TNIP1: variants seen among roughly 807,000 people sequenced by gnomAD.
The protein encoded by TNIP1 is TNFAIP3-interacting protein 1.
A neutral mutation model predicts 86.6 loss-of-function variants in TNIP1; 22 were observed. That is an observed-to-expected ratio of 0.25 (90% CI 0.18 to 0.36). The LOEUF (loss-of-function observed/expected upper bound fraction) is 0.36, where lower values mean the gene tolerates loss of function less well. TNIP1 is among the 10% of genes least tolerant of loss of function. The probability of loss-of-function intolerance (pLI) is 1.00; values close to 1 mark genes in which losing one functional copy is unlikely to be tolerated. For missense variants in TNIP1, 709 were observed against 820.6 expected (o/e 0.86, Z 1.66); for synonymous variants, 294 against 313.0 (o/e 0.94, Z 0.64).
intron 1 of TNIP1, among the ~76,000 whole-genome samples, chr5:151,065,382 A>G (rs1335335249): frequency 6.6e-6 from 1 of 152,226 alleles, no homozygotes; most frequent in African/African-American, 2.4e-5. Context: ...CAGGAGTCCA[A>G]ATAAACAGTA....
intron 1 of TNIP1, among the ~76,000 whole-genome samples, chr5:151,071,142 G>A (rs968583112): frequency 2.6e-5 from 4 of 152,198 alleles, no homozygotes; most frequent in African/African-American, 9.7e-5. Flanking sequence ...AAAAGGACCA[G>A]GCTGGGCTCT....
At chr5:151,036,502 G>A (rs1317716037) in intron 13 of TNIP1, among the ~76,000 whole-genome samples, 1 of 152,138 alleles carries the variant, frequency 6.6e-6, no homozygotes, top group African/African-American at 2.4e-5. Flanking sequence ...GTGATATAAA[G>A]CTCCCTTTTA....
intron 11 of TNIP1, 49 bp from the exon 12 acceptor site, chr5:151,039,274 A>C (rs1253162529): frequency 7.6e-6 from 12 of 1,577,812 alleles, no homozygotes; most frequent in Non-Finnish European, 1.0e-5. Context: ...CCTCTCCAGG[A>C]GGCCTCGGAT....
chr5:151,060,163 C>T (rs1412520288), intron 5 of TNIP1, among the ~76,000 whole-genome samples, 155 bp downstream of exon 5: 4 of 152,156 alleles, frequency 2.6e-5, no homozygotes, highest in Non-Finnish European at 5.9e-5. Flanking sequence ...CATATGTGAG[C>T]GAGAAGCACC....
In TNIP1 at chr5:151,065,067, T is replaced by TAG; in HGVS notation, c.27_28dup (p.Tyr10SerfsTer20). Reference sequence around the variant, plus strand: ...TGAGGGCACGCTGCCCCCAGGGTCGTAGATCCGGTACGGTCCTCTCCCTTC... The same window carrying TAG: ...TGAGGGCACGCTGCCCCCAGGGTCGTAGAGATCCGGTACGGTCCTCTCCCTTC... On this transcript the variant is annotated frameshift_variant, in exon 2 of 18. Coordinates refer to ENST00000521591, the MANE Select transcript of TNIP1 (RefSeq NM_006058.5). LOFTEE classifies it high-confidence loss of function. 2 of 1,614,098 alleles carry TAG rather than the reference T, an allele frequency of 1.2e-6. No homozygotes were observed. Among genetic ancestry groups the TAG allele is most frequent in the South Asian group, 2.2e-5 (2 of 91,082 alleles).
chr5:151,052,104 C>T lies in TNIP1; in HGVS notation c.722+61G>A. On this transcript the variant is annotated intron_variant, in intron 7 of 17. Coordinates refer to ENST00000521591, the MANE Select transcript of TNIP1 (RefSeq NM_006058.5). ...CCTCAACCCAGAAATCAGTGCTGCA[C>T]ACCAGCCCCTCCTCCTGCAGCCCCC... 12 of 1,499,776 alleles carry T rather than the reference C, an allele frequency of 8.0e-6. No individual in the cohort carries two copies. In the South Asian group the frequency reaches 1.4e-4, roughly 17 times the overall value. 92.9% of individuals were successfully genotyped at this position (1,499,776 alleles called of 1,614,324 possible).
intron 1 of TNIP1, among the ~76,000 whole-genome samples, chr5:151,076,639 C>G (rs865880520): frequency 6.6e-6 from 1 of 152,188 alleles, no homozygotes. Flanking sequence ...CTTACCACAC[C>G]ATGCTACTGC....
At chr5:151,064,479 G>T (rs1253012468) in intron 2 of TNIP1, among the ~76,000 whole-genome samples, 1 of 151,004 alleles carries the variant, frequency 6.6e-6, no homozygotes, top group East Asian at 2.0e-4. Context: ...GGGAGGTGGG[G>T]TTGTTCTAAA....
At position 151,060,364 on chromosome 5, in the gene TNIP1, G is replaced by A. The variant is rs1761398315; in HGVS notation, c.389C>T (p.Pro130Leu). Reference sequence around the variant, plus strand: ...GCTCTCTGGTGAATTCTGCTCCTCAGGAGTGACCACTTCAAATTCAGAGGA... The same window carrying A: ...GCTCTCTGGTGAATTCTGCTCCTCAAGAGTGACCACTTCAAATTCAGAGGA... ...GTSSEFEVVT[P>L]EEQNSPESSS... Residue 130 changes from proline (P) to leucine (L), a missense_variant, in exon 5 of 18, where the codon CCT (proline) becomes CTT (leucine). By Grantham distance (98) the Pro-to-Leu change is moderately conservative. Transcript: ENST00000521591. 1 of 1,614,060 alleles carries A rather than the reference G, an allele frequency of 6.2e-7. No individual in the cohort carries two copies. The highest frequency in any genetic ancestry group is 1.7e-5 in the Admixed American group (1 of 60,002).
Position 151,030,166 on chromosome 5 carries a change from G to A in TNIP1, c.*547C>T, listed in dbSNP as rs940622406. Reference sequence around the variant, plus strand: ...GGCTTCAGCAAGGCTACTGTGAGTGGTGGTGGAGAGGGCCCCAGAGCCAGA... The same window carrying A: ...GGCTTCAGCAAGGCTACTGTGAGTGATGGTGGAGAGGGCCCCAGAGCCAGA... On this transcript the variant is annotated 3_prime_UTR_variant, in exon 18 of 18. Coordinates refer to ENST00000521591, the MANE Select transcript of TNIP1 (RefSeq NM_006058.5). 10 of 456,622 alleles carry A rather than the reference G, an allele frequency of 2.2e-5. No individual in the cohort carries two copies. The highest frequency in any genetic ancestry group is 1.6e-4 in the African/African-American group (8 of 50,084). The allele number at this position is 456,622 out of a possible 1,614,324, so 28.3% of individuals were successfully genotyped here.
At chr5:151,037,760 G>A (rs1159300342) in intron 12 of TNIP1, among the ~76,000 whole-genome samples, 1 of 152,156 alleles carries the variant, frequency 6.6e-6, no homozygotes, top group Non-Finnish European at 1.5e-5. Flanking sequence ...GGGCCTCCCT[G>A]GACCGAGGGG....
chr5:151,069,639 G>A (rs986381896), intron 1 of TNIP1, among the ~76,000 whole-genome samples: 4 of 152,122 alleles, frequency 2.6e-5, no homozygotes, highest in Non-Finnish European at 5.9e-5. Flanking sequence ...GAAGGTCATC[G>A]AGGCCAACAT....
intron 11 of TNIP1, 35 bp downstream of exon 11, chr5:151,042,505 G>C (rs1758556427): frequency 1.4e-5 from 22 of 1,603,394 alleles, no homozygotes; most frequent in Non-Finnish European, 1.9e-5. Flanking sequence ...ATGTGGAGGG[G>C]AACTGACTCT....
intron 1 of TNIP1, among the ~76,000 whole-genome samples, chr5:151,071,102 A>G (rs1012324826): frequency 2.0e-5 from 3 of 152,174 alleles, no homozygotes; most frequent in African/African-American, 7.2e-5. Flanking sequence ...AAACTGCTCT[A>G]TAAAAAATAA....
intron 8 of TNIP1, among the ~76,000 whole-genome samples, chr5:151,049,503 G>A (rs1759617123): frequency 6.6e-6 from 1 of 152,172 alleles, no homozygotes; most frequent in Non-Finnish European, 1.5e-5. Context: ...GACAGACCTT[G>A]ACAAACTGGA....
intron 2 of TNIP1, among the ~76,000 whole-genome samples, chr5:151,064,497 T>C (rs1761995289): frequency 6.6e-6 from 1 of 152,150 alleles, no homozygotes; most frequent in East Asian, 1.9e-4. Context: ...AAAGTGGGGA[T>C]GGCTTGAGCA....
At chr5:151,078,051 C>T (rs570377030) in intron 1 of TNIP1, among the ~76,000 whole-genome samples, 1 of 152,348 alleles carries the variant, frequency 6.6e-6, no homozygotes, top group African/African-American at 2.4e-5. Context: ...CCCCAAATTA[C>T]TCTGCACTCC....
chr5:151,056,344 A>G (rs976506868), intron 6 of TNIP1, among the ~76,000 whole-genome samples: 4 of 152,092 alleles, frequency 2.6e-5, no homozygotes, highest in Non-Finnish European at 4.4e-5. Flanking sequence ...TCCCTACTTC[A>G]CCATTTACCA....
Position 151,029,948 on chromosome 5 carries a change from ATCT to A in TNIP1, c.*762_*764del, listed in dbSNP as rs756043947. The A allele has an allele frequency of 3.9e-5, 16 of 414,398 alleles. No individual in the cohort carries two copies. Among genetic ancestry groups the A allele is most frequent in the Non-Finnish European group, 6.0e-5 (12 of 199,012 alleles). The allele number at this position is 414,398 out of a possible 1,614,324, so 25.7% of individuals were successfully genotyped here. A position where few individuals can be genotyped will look rare whatever the true frequency, so the allele number is the denominator to read the frequency against. On this transcript the variant is annotated 3_prime_UTR_variant, in exon 18 of 18. Coordinates refer to ENST00000521591, the MANE Select transcript of TNIP1 (RefSeq NM_006058.5). ...TAAATGAACATGAGTCAGAATGTTG[ATCT>A]TCTTCAACTTGGATTTATGTCCATG...
Sources: gnomAD v4.1 joint callset for allele counts (sites outside exome capture counted in the v4.1 genomes callset) on GRCh38, gnomAD v4.1.1 for gene constraint, MANE v1.5 for transcripts, NCBI Gene and HGNC (gene_info 2026-07-23, HGNC 2026-07-21) for gene names.